PPEF2: variants seen among roughly 807,000 people sequenced by gnomAD.
PPEF2 encodes the protein serine/threonine-protein phosphatase with EF-hands 2.
Under a neutral mutation model 84.7 loss-of-function variants are expected in PPEF2, and 84 were observed. That is an observed-to-expected ratio of 0.99 (90% CI 0.83 to 1.19). PPEF2 has a LOEUF of 1.19. PPEF2 is among the 50% of genes most tolerant of loss of function. The probability of loss-of-function intolerance (pLI) is 0.00; values close to 1 mark genes in which losing one functional copy is unlikely to be tolerated. For missense variants in PPEF2, 924 were observed against 937.5 expected (o/e 0.99, Z 0.19); for synonymous variants, 346 against 345.2 (o/e 1.00, Z -0.03).
At chr4:75,869,987 A>G (rs1004785841) in intron 13 of PPEF2, among the ~76,000 whole-genome samples, 9 of 152,342 alleles carry the variant, frequency 5.9e-5, no homozygotes, top group African/African-American at 1.7e-4. Context: ...ATACAGTTGA[A>G]GTCACTGGAT....
At chr4:75,864,321 TA>T in intron 16 of PPEF2, 118 bp downstream of exon 16, 1 of 757,014 alleles carries the variant, frequency 1.3e-6, no homozygotes, top group Admixed American at 2.5e-5. Context: ...CTAATCTTCT[TA>T]CCTTGCTCTC....
intron 13 of PPEF2, among the ~76,000 whole-genome samples, chr4:75,871,085 T>A (rs996863677): frequency 1.2e-4 from 18 of 151,566 alleles, no homozygotes; most frequent in Non-Finnish European, 2.5e-4. Flanking sequence ...GCCTGGCTAA[T>A]TTTTTTGTAT....
At chr4:75,887,095 C>G (rs1378872703) in intron 6 of PPEF2, among the ~76,000 whole-genome samples, 197 bp from the exon 7 acceptor site, 1 of 152,160 alleles carries the variant, frequency 6.6e-6, no homozygotes, top group Non-Finnish European at 1.5e-5. Flanking sequence ...AATATTTTTT[C>G]TGCCGGATTA....
At chr4:75,877,360 AAGAG>A (rs1724453679) in intron 10 of PPEF2, among the ~76,000 whole-genome samples, 2 of 33,632 alleles carry the variant, frequency 5.9e-5, no homozygotes, top group Non-Finnish European at 2.1e-4. Flanking sequence ...AACAATAAAA[AAGAG>A]AGAGAGAAAG....
At chr4:75,883,992 G>A (rs1724649891) in intron 8 of PPEF2, among the ~76,000 whole-genome samples, 1 of 151,912 alleles carries the variant, frequency 6.6e-6, no homozygotes, top group East Asian at 1.9e-4. Context: ...AATTAGCCGG[G>A]CGTGGTGGCA....
At position 75,867,299 on chromosome 4, in the gene PPEF2, T is replaced by C. The variant is rs529227291; in HGVS notation, c.1756+14A>G. 3.1e-6 allele frequency: 5 copies of C among 1,595,198 alleles called. No homozygotes were observed. The highest frequency in any genetic ancestry group is 4.5e-5 in the East Asian group (2 of 44,756). The stretch of plus-strand genomic sequence containing the variant: ...CTTCCTTCCTCTGTGAATCTTTAAC[T>C]TGATCATTCTTACCGACTTTATCTG... On this transcript the variant is annotated intron_variant, in intron 14 of 16. Transcript: ENST00000286719.
chr4:75,878,148 G>A (rs1370277463), intron 10 of PPEF2, among the ~76,000 whole-genome samples: 3 of 152,284 alleles, frequency 2.0e-5, no homozygotes, highest in African/African-American at 7.2e-5. Flanking sequence ...GGGAGGGGAG[G>A]GAGCTCCTCT....
rs997482982 is a variant in PPEF2, at chr4:75,876,403, G to C, written c.1204C>G (p.Arg402Gly). The C allele has an allele frequency of 1.9e-6, 3 of 1,614,156 alleles. No homozygotes were observed. The South Asian group carries it at 3.3e-5, about 18-fold the overall frequency. Reference protein sequence around the residue: ...SSVELELERCRQQAGLLVTGE... With the variant: ...SSVELELERCGQQAGLLVTGE... Reference sequence around the variant, plus strand: ...GTCACCAGGAGGCCTGCTTGCTGCCGGCACCGCTCTAGCTCCAGTTCCACG... The same window carrying C: ...GTCACCAGGAGGCCTGCTTGCTGCCCGCACCGCTCTAGCTCCAGTTCCACG... The change falls in exon 11 of 17, where the codon CGG becomes GGG. Residue 402 changes from arginine to glycine, a missense_variant. Coordinates refer to ENST00000286719, the MANE Select transcript of PPEF2 (RefSeq NM_006239.3).
In PPEF2 at chr4:75,873,264, C is replaced by T; in HGVS notation, c.1369G>A (p.Ala457Thr). ...CAGCCTCCTCCTCGAATAGTGTTGG[C>T]CTTGCAGCCCTCTTGAGCCATGGGA... is the stretch of plus-strand genomic sequence containing the variant. Reference protein sequence around the residue: ...SDPMAQEGCKANTIRGGGCYF... With the variant: ...SDPMAQEGCKTNTIRGGGCYF... The change falls in exon 12 of 17, where the codon GCC becomes ACC. Residue 457 changes from alanine to threonine, a missense_variant. Physicochemically the swap from Ala to Thr is moderately conservative, Grantham distance 58. Coordinates refer to ENST00000286719, the MANE Select transcript of PPEF2 (RefSeq NM_006239.3). The T allele has an allele frequency of 1.2e-6, 2 of 1,614,100 alleles. No individual in the cohort carries two copies. Among genetic ancestry groups the T allele is most frequent in the Non-Finnish European group, 1.7e-6 (2 of 1,180,016 alleles).
rs115045014 is a variant in PPEF2, at chr4:75,869,746, C to T, written c.1649+2279G>A. On this transcript the variant is annotated intron_variant, in intron 13 of 16. Coordinates refer to ENST00000286719, the MANE Select transcript of PPEF2 (RefSeq NM_006239.3). The stretch of plus-strand genomic sequence containing the variant: ...GCCTGTAGTACCAGGTGTGAGGTAG[C>T]TGAAGTGGGAGGATCTCTTAAGACT... Among the ~76,000 whole-genome samples, 1,451 of 152,132 alleles carry T rather than the reference C, an allele frequency of 9.5e-3. 28 individuals carry two copies. Among genetic ancestry groups the T allele is most frequent in the African/African-American group, 0.034 (1,393 of 41,496 alleles).
intron 6 of PPEF2, among the ~76,000 whole-genome samples, 190 bp from the exon 7 acceptor site, chr4:75,887,088 AT>A (rs1181479344): frequency 6.6e-6 from 1 of 152,152 alleles, no homozygotes; most frequent in Non-Finnish European, 1.5e-5. Flanking sequence ...AAGGCATAAT[AT>A]TTTTTCTGCC....
rs1341248097 is a variant in PPEF2 at position 75,873,302 on chromosome 4, A to T, written c.1331T>A (p.Ile444Asn). 1 of 1,611,638 alleles carries T rather than the reference A, an allele frequency of 6.2e-7. No individual in the cohort carries two copies. The highest frequency in any genetic ancestry group is 1.3e-5 in the African/African-American group (1 of 74,842). ...TQEEWRQVVD[I>N]LWSDPMAQEG... The stretch of plus-strand genomic sequence containing the variant: ...TTGAGCCATGGGATCACTCCACAGG[A>T]TATCTACAACCTGAGAAGACCAAGA... Residue 444 changes from isoleucine (I) to asparagine (N), a missense_variant, in exon 12 of 17, where the codon ATC becomes AAC. By Grantham distance (149) the Ile-to-Asn change is moderately radical. Transcript: ENST00000286719.
rs376253263 is a variant in PPEF2 at position 75,884,773 on chromosome 4, G to A, written c.580-13C>T. ...ACGGGAGGCCATTCTTTTCAACAAG[G>A]AGACCAGTGAAAGAATGAATGGGAG... On this transcript the variant is annotated splice_polypyrimidine_tract_variant and intron_variant, in intron 7 of 16. Coordinates refer to ENST00000286719, the MANE Select transcript of PPEF2 (RefSeq NM_006239.3). The A allele has an allele frequency of 6.5e-5, 101 of 1,560,646 alleles. No homozygotes were observed. The highest frequency in any genetic ancestry group is 8.5e-5 in the Non-Finnish European group (98 of 1,154,996).
At chr4:75,874,906 T>C (rs544879578) in intron 11 of PPEF2, among the ~76,000 whole-genome samples, 11 of 150,264 alleles carry the variant, frequency 7.3e-5, no homozygotes, top group South Asian at 2.1e-4. Context: ...TTCTTTCTTT[T>C]TTTTTTTTTT....
intron 1 of PPEF2, among the ~76,000 whole-genome samples, chr4:75,898,842 A>ATTGTT (rs894150923): frequency 9.2e-5 from 14 of 152,102 alleles, no homozygotes; most frequent in Middle Eastern, 6.8e-3. Context: ...TTAAACATTT[A>ATTGTT]TTATTTCTTT....
intron 11 of PPEF2, among the ~76,000 whole-genome samples, chr4:75,874,149 A>C (rs1316516917): frequency 6.6e-6 from 1 of 152,008 alleles, no homozygotes; most frequent in Non-Finnish European, 1.5e-5. Context: ...TAAATAAATA[A>C]ATAATTGCAG....
intron 11 of PPEF2, 24 bp from the exon 12 acceptor site, chr4:75,873,336 C>T (rs1043238700): frequency 9.5e-6 from 15 of 1,573,672 alleles, no homozygotes; most frequent in Middle Eastern, 1.7e-4. Flanking sequence ...GAGATGATTT[C>T]CTTCCCAAAA....
chr4:75,861,422 T>C, intron 16 of PPEF2, among the ~76,000 whole-genome samples: 1 of 126,254 alleles, frequency 7.9e-6, no homozygotes, highest in Non-Finnish European at 1.7e-5. Flanking sequence ...GGGGAAAGAA[T>C]AGTTTTTTTC....
chr4:75,885,403 C>T (rs980143581), intron 7 of PPEF2, among the ~76,000 whole-genome samples: 3 of 152,172 alleles, frequency 2.0e-5, no homozygotes, highest in Admixed American at 6.6e-5. Flanking sequence ...CCACTTTAGC[C>T]TCCCAAATGC....
Sources: allele counts gnomAD v4.1 joint callset (sites outside exome capture counted in the v4.1 genomes callset), GRCh38; gene constraint gnomAD v4.1.1; transcripts MANE v1.5; gene names NCBI Gene and HGNC (gene_info 2026-07-23, HGNC 2026-07-21).